Variants in STPG2 observed in about 807,000 individuals in gnomAD.
STPG2 encodes sperm-tail PG-rich repeat-containing protein 2.
STPG2 carries 56 observed loss-of-function variants against 54.2 expected under a neutral mutation model. That is an observed-to-expected ratio of 1.03 (90% CI 0.83 to 1.29). STPG2 has a LOEUF of 1.29. Among genes scored for constraint, STPG2 ranks in the 50% most tolerant of loss-of-function variants. STPG2 has a pLI of 0.00. For synonymous variants in STPG2, 200 were observed against 181.8 expected, an observed-to-expected ratio of 1.10 and a Z score of -0.81; for missense variants, 596 against 544.9, an observed-to-expected ratio of 1.09 and a Z score of -0.93.
At chr4:97,963,585 G>A (rs2149249968) in intron 7 of STPG2, among the ~76,000 whole-genome samples, 1 of 151,968 alleles carries the variant, frequency 6.6e-6, no homozygotes. Context: ...AACCCAGGAG[G>A]GCAAGGGTGC....
At chr4:97,842,650 T>C (rs1311209341) in intron 8 of STPG2, among the ~76,000 whole-genome samples, 1 of 151,914 alleles carries the variant, frequency 6.6e-6, no homozygotes, top group Non-Finnish European at 1.5e-5. Context: ...AACTATTTTT[T>C]TTAATAACTT....
At chr4:97,975,543 T>C (rs76028966) in intron 6 of STPG2, among the ~76,000 whole-genome samples, 2,993 of 152,306 alleles carry the variant, frequency 0.02, 39 homozygotes, top group South Asian at 0.065. Flanking sequence ...CTTTCTATGC[T>C]GTTCAAAAGT....
At chr4:97,614,681 C>A (rs1733815530) in intron 10 of STPG2, among the ~76,000 whole-genome samples, 1 of 152,086 alleles carries the variant, frequency 6.6e-6, no homozygotes, top group African/African-American at 2.4e-5. Context: ...CAAGATCATA[C>A]TGGTAAAGTC....
At chr4:97,798,651 T>C (rs552229593) in intron 9 of STPG2, among the ~76,000 whole-genome samples, 8 of 135,786 alleles carry the variant, frequency 5.9e-5, no homozygotes, top group African/African-American at 2.3e-4. Flanking sequence ...GAGAAGAATG[T>C]ATATTCTGTT....
At chr4:97,973,528 T>C (rs928353057) in intron 6 of STPG2, among the ~76,000 whole-genome samples, 1 of 152,192 alleles carries the variant, frequency 6.6e-6, no homozygotes. Context: ...GCATAAGTAA[T>C]GAGGAGTTGA....
intron 6 of STPG2, among the ~76,000 whole-genome samples, chr4:97,975,186 G>C (rs1734459967): frequency 6.6e-6 from 1 of 152,130 alleles, no homozygotes. Context: ...AATGATTAAA[G>C]TGCTCCAAAA....
chr4:97,802,663 G>T (rs544317587), intron 9 of STPG2, among the ~76,000 whole-genome samples: 1 of 152,088 alleles, frequency 6.6e-6, no homozygotes, highest in South Asian at 2.1e-4. Flanking sequence ...TAGAGATGGG[G>T]TTTCACCATG....
intron 10 of STPG2, among the ~76,000 whole-genome samples, chr4:97,606,692 G>A (rs1314647325): frequency 6.6e-6 from 1 of 151,808 alleles, no homozygotes; most frequent in Admixed American, 6.6e-5. Context: ...TTTTTATTGA[G>A]TCCAAATGAA....
intron 5 of STPG2, among the ~76,000 whole-genome samples, chr4:98,035,039 C>A (rs1238378353): frequency 1.3e-5 from 2 of 152,142 alleles, no homozygotes; most frequent in African/African-American, 4.8e-5. Context: ...TAGGCATGGG[C>A]AAAGACTTCT....
intron 7 of STPG2, among the ~76,000 whole-genome samples, chr4:97,963,736 CAT>C (rs993586611): frequency 7.9e-5 from 12 of 151,382 alleles, no homozygotes; most frequent in East Asian, 2.0e-4. Flanking sequence ...TACATACACA[CAT>C]ATATATTTAT....
At chr4:98,137,974 G>A (rs142888192) in intron 1 of STPG2, among the ~76,000 whole-genome samples, 302 of 152,072 alleles carry the variant, frequency 2.0e-3, no homozygotes, top group African/African-American at 7.1e-3. Context: ...TACACTCCAT[G>A]AGAGAAGGAA....
At chr4:98,112,008 C>CT (rs1739376817) in intron 3 of STPG2, among the ~76,000 whole-genome samples, 1 of 151,948 alleles carries the variant, frequency 6.6e-6, no homozygotes, top group Non-Finnish European at 1.5e-5. Flanking sequence ...GTTCTCAGGC[C>CT]TTCAGACTTG....
intron 8 of STPG2, among the ~76,000 whole-genome samples, chr4:97,874,350 T>C (rs1177520480): frequency 6.6e-6 from 1 of 151,742 alleles, no homozygotes; most frequent in East Asian, 1.9e-4. Context: ...GTAATTTTTT[T>C]TGCAACTTTG....
At chr4:97,846,221 A>C (rs545271199) in intron 8 of STPG2, among the ~76,000 whole-genome samples, 1 of 152,288 alleles carries the variant, frequency 6.6e-6, no homozygotes, top group East Asian at 1.9e-4. Context: ...TTCTTACTCA[A>C]GATAGTTGCC....
Position 97,520,507 on chromosome 4 carries a change from A to T in STPG2, c.462+192192T>A, listed in dbSNP as rs532500765. Among the ~76,000 whole-genome samples the T allele has an allele frequency of 2.6e-5, 4 of 152,198 alleles. No individual in the cohort carries two copies. In the East Asian group the frequency reaches 7.7e-4, roughly 29 times the overall value. On this transcript the variant is annotated intron_variant, in intron 4 of 4. Coordinates refer to the STPG2 transcript ENST00000522676. The stretch of plus-strand genomic sequence containing the variant: ...CCTTTGGATCCTCTTATGAGAATAA[A>T]AAAAGGTTCAGATTTTACCATAACA...
intron 4 of STPG2, among the ~76,000 whole-genome samples, chr4:97,540,562 A>G (rs988799047): frequency 6.6e-6 from 1 of 152,338 alleles, no homozygotes; most frequent in South Asian, 2.1e-4. Flanking sequence ...AGGAGCTGGT[A>G]CCATTCCTTC....
intron 9 of STPG2, among the ~76,000 whole-genome samples, chr4:97,816,651 G>C (rs1727920597): frequency 6.6e-6 from 1 of 152,062 alleles, no homozygotes; most frequent in Non-Finnish European, 1.5e-5. Context: ...CATCCTTTCA[G>C]GGCCTAAATA....
chr4:97,756,076 TTCTC>T (rs894374325), intron 9 of STPG2, among the ~76,000 whole-genome samples: 2 of 151,564 alleles, frequency 1.3e-5, no homozygotes, highest in Non-Finnish European at 2.9e-5. Flanking sequence ...CTCTCTCTCT[TTCTC>T]TCTCTCTCTG....
chr4:97,632,119 T>C lies in STPG2; in HGVS notation c.1321-73002A>G, dbSNP rs192540517. Among the ~76,000 whole-genome samples, 3 of 152,160 alleles carry C rather than the reference T, an allele frequency of 2.0e-5. No individual in the cohort carries two copies. The East Asian group carries it at 5.8e-4, about 29-fold the overall frequency. ...AAGAATAAAATCTCTCTTTCCTTAT[T>C]GATACCTTCAAAAAAGGTTAAAGTT... On this transcript the variant is annotated intron_variant, in intron 10 of 10. Coordinates refer to ENST00000295268, the MANE Select transcript of STPG2 (RefSeq NM_174952.3).
Sources: allele counts gnomAD v4.1 joint callset (sites outside exome capture counted in the v4.1 genomes callset), GRCh38; gene constraint gnomAD v4.1.1; transcripts MANE v1.5; gene names NCBI Gene and HGNC (gene_info 2026-07-23, HGNC 2026-07-21).